Variants in FER1L6 observed in about 807,000 individuals in gnomAD.
FER1L6 encodes the protein fer-1-like protein 6.
A neutral mutation model predicts 219.2 loss-of-function variants in FER1L6; 177 were observed. The ratio of observed to expected loss-of-function variants is 0.81; its 90% CI spans 0.71 to 0.91. The LOEUF (loss-of-function observed/expected upper bound fraction) is 0.91. Ranked by LOEUF, FER1L6 falls within the 40% of genes least tolerant of loss-of-function variation. FER1L6 has a pLI of 0.00. For missense variants in FER1L6, 2,153 were observed against 2,259.9 expected (o/e 0.95, Z 0.96); for synonymous variants, 768 against 824.3 (o/e 0.93, Z 1.17).
intron 25 of FER1L6, 128 bp downstream of exon 25, chr8:124,062,160 C>T: frequency 2.1e-6 from 2 of 951,060 alleles, no homozygotes; most frequent in South Asian, 3.3e-5. Flanking sequence ...TTCTGATGAG[C>T]TTGCTCCTGC....
intron 1 of FER1L6, among the ~76,000 whole-genome samples, chr8:123,878,438 G>A (rs192102389): frequency 8.0e-4 from 121 of 152,176 alleles, no homozygotes; most frequent in Non-Finnish European, 1.6e-3. Flanking sequence ...CCAAGCTTCT[G>A]ACGTACCCAT....
intron 1 of FER1L6, among the ~76,000 whole-genome samples, chr8:123,857,580 C>G (rs1428997108): frequency 6.6e-6 from 1 of 152,136 alleles, no homozygotes; most frequent in Non-Finnish European, 1.5e-5. Context: ...TCCTTCCCTC[C>G]CAGTTCAGTA....
At chr8:124,073,829 A>AAATT (rs1821174321) in intron 31 of FER1L6, among the ~76,000 whole-genome samples, 1 of 152,252 alleles carries the variant, frequency 6.6e-6, no homozygotes, top group Non-Finnish European at 1.5e-5. Context: ...AGGAACGGAT[A>AAATT]AATTAACAGG....
chr8:123,984,447 T>C (rs1366619278), intron 11 of FER1L6: 1 of 152,254 alleles, frequency 6.6e-6, no homozygotes, highest in Non-Finnish European at 1.5e-5. Context: ...TCTTGCTATG[T>C]TACCCAGGCT....
intron 32 of FER1L6, among the ~76,000 whole-genome samples, chr8:124,078,287 T>C (rs1821380504): frequency 6.6e-6 from 1 of 152,194 alleles, no homozygotes; most frequent in Non-Finnish European, 1.5e-5. Context: ...CATCTTGATA[T>C]GATGCATGTC....
In FER1L6 at chr8:123,955,979, T is replaced by C; in HGVS notation, c.-7-13T>C. 6.3e-7 allele frequency: 1 copy of C among 1,599,922 alleles called. No homozygotes were observed. Among genetic ancestry groups the C allele is most frequent in the Middle Eastern group, 1.7e-4 (1 of 5,968 alleles). ...CAAAGTTTTTATTGTTTCTTTTTTT[T>C]TCTTCTTTTCAGAAAGGGGATGTTT... is the stretch of plus-strand genomic sequence containing the variant. On this transcript the variant is annotated splice_polypyrimidine_tract_variant and intron_variant, in intron 1 of 40. Transcript: ENST00000522917.
At chr8:124,034,260 G>A (rs1819104053) in intron 18 of FER1L6, among the ~76,000 whole-genome samples, 2 of 152,168 alleles carry the variant, frequency 1.3e-5, no homozygotes, top group Admixed American at 6.5e-5. Context: ...TAGCAGCTAA[G>A]TGCCATAGGT....
intron 39 of FER1L6, among the ~76,000 whole-genome samples, chr8:124,113,381 T>G (rs1024777192): frequency 1.3e-5 from 2 of 152,194 alleles, no homozygotes; most frequent in African/African-American, 2.4e-5. Context: ...ACTGAACAAT[T>G]TAAGCTGTAG....
intron 1 of FER1L6, among the ~76,000 whole-genome samples, chr8:123,886,097 C>T (rs1228955084): frequency 6.6e-6 from 1 of 152,198 alleles, no homozygotes; most frequent in East Asian, 1.9e-4. Context: ...CTGTACTTCC[C>T]TATCAGGACA....
At chr8:124,085,866 A>G (rs1821766686) in intron 33 of FER1L6, among the ~76,000 whole-genome samples, 1 of 152,022 alleles carries the variant, frequency 6.6e-6, no homozygotes, top group Non-Finnish European at 1.5e-5. Context: ...CTCTCTCTTT[A>G]GCTCTTTGCT....
chr8:123,858,529 G>A (rs1484852182), intron 1 of FER1L6, among the ~76,000 whole-genome samples: 1 of 152,210 alleles, frequency 6.6e-6, no homozygotes, highest in East Asian at 1.9e-4. Context: ...GATGGGGACT[G>A]TGCCATCTTC....
rs1586544727 is a variant in FER1L6 at position 123,977,730 on chromosome 8, T to C, written c.1063+121T>C. 6.1e-6 allele frequency: 5 copies of C among 822,280 alleles called. No individual in the cohort carries two copies. The East Asian group carries it at 1.3e-4, about 22-fold the overall frequency. 50.9% of individuals were successfully genotyped at this position (822,280 alleles called of 1,614,324 possible). On this transcript the variant is annotated intron_variant, in intron 10 of 40. Coordinates refer to ENST00000522917, the MANE Select transcript of FER1L6 (RefSeq NM_001039112.2). ...CCTTTCTGGCACCAGATACCAGTTT[T>C]ATGGAAGACTATTTTTCCATGAATG...
At chr8:123,944,043 A>G (rs1356860463) in intron 1 of FER1L6, among the ~76,000 whole-genome samples, 1 of 152,096 alleles carries the variant, frequency 6.6e-6, no homozygotes, top group African/African-American at 2.4e-5. Context: ...GACCTTAGGC[A>G]GTTTTCTTAA....
chr8:124,112,433 A>T (rs1823060299), intron 39 of FER1L6, among the ~76,000 whole-genome samples: 1 of 152,190 alleles, frequency 6.6e-6, no homozygotes, highest in Non-Finnish European at 1.5e-5. Flanking sequence ...CCCTTGGGAG[A>T]AAGAAAGGGA....
intron 1 of FER1L6, among the ~76,000 whole-genome samples, chr8:123,945,349 A>G (rs1258826470): frequency 2.6e-5 from 4 of 152,196 alleles, no homozygotes; most frequent in Admixed American, 2.0e-4. Context: ...AAAGAACCTG[A>G]GCAGAGCCTG....
chr8:123,922,807 A>G (rs1267984315), intron 1 of FER1L6, among the ~76,000 whole-genome samples: 1 of 152,170 alleles, frequency 6.6e-6, no homozygotes, highest in African/African-American at 2.4e-5. Context: ...GATCTCATTG[A>G]CTGTCACAGC....
At chr8:124,068,608 C>A (rs1820926050) in intron 28 of FER1L6, among the ~76,000 whole-genome samples, 1 of 152,164 alleles carries the variant, frequency 6.6e-6, no homozygotes, top group Admixed American at 6.5e-5. Flanking sequence ...TATCTCAATT[C>A]CCTTAATGGA....
chr8:124,068,014 C>T (rs937220020), intron 28 of FER1L6, among the ~76,000 whole-genome samples: 14 of 152,118 alleles, frequency 9.2e-5, no homozygotes, highest in African/African-American at 3.4e-4. Context: ...CTTCTGAATT[C>T]AGCTCAGTGC....
chr8:123,954,202 T>C (rs991650775), intron 1 of FER1L6, among the ~76,000 whole-genome samples: 17 of 152,114 alleles, frequency 1.1e-4, no homozygotes, highest in African/African-American at 3.9e-4. Flanking sequence ...TCTGGGTGCT[T>C]TCAGAGTCCA....
Sources: gnomAD v4.1 joint callset for allele counts (sites outside exome capture counted in the v4.1 genomes callset) on GRCh38, gnomAD v4.1.1 for gene constraint, MANE v1.5 for transcripts, NCBI Gene and HGNC (gene_info 2026-07-23, HGNC 2026-07-21) for gene names.